The following NELL2 variants were observed in gnomAD, a reference collection of about 807,000 sequenced individuals.
The protein encoded by NELL2 is protein kinase C-binding protein NELL2.
In NELL2, 41 loss-of-function variants were observed where a neutral mutation model predicts 109.6. The observed-to-expected ratio is 0.37, with a 90% CI of 0.29 to 0.49. The LOEUF (loss-of-function observed/expected upper bound fraction) is 0.49. NELL2 is among the 20% of genes least tolerant of loss of function. The pLI is 0.98. For synonymous variants in NELL2, 355 were observed against 344.7 expected (o/e 1.03, Z -0.33); for missense variants, 900 against 1,008.3 (o/e 0.89, Z 1.45).
chr12:44,547,040 A>G (rs1942825601), intron 15 of NELL2, among the ~76,000 whole-genome samples: 1 of 152,198 alleles, frequency 6.6e-6, no homozygotes, highest in Non-Finnish European at 1.5e-5. Flanking sequence ...ATATGGTGAT[A>G]GGAGACATGA....
chr12:44,626,725 T>C (rs1207856270), intron 13 of NELL2, among the ~76,000 whole-genome samples: 1 of 152,042 alleles, frequency 6.6e-6, no homozygotes, highest in Non-Finnish European at 1.5e-5. Flanking sequence ...TATGAAGAAA[T>C]TGAGGTTCAT....
chr12:44,866,828 T>G (rs975729100), intron 2 of NELL2, among the ~76,000 whole-genome samples: 3 of 151,982 alleles, frequency 2.0e-5, no homozygotes, highest in Non-Finnish European at 2.9e-5. Flanking sequence ...CAAAACATCA[T>G]GAGACTACTA....
intron 12 of NELL2, among the ~76,000 whole-genome samples, chr12:44,670,318 G>A (rs1224451418): frequency 1.3e-5 from 2 of 152,004 alleles, no homozygotes; most frequent in Non-Finnish European, 2.9e-5. Flanking sequence ...CTCACTGGTA[G>A]AGCAGATATA....
intron 1 of NELL2, chr12:44,875,591 C>A (rs768573111): frequency 6.2e-7 from 1 of 1,613,680 alleles, no homozygotes; most frequent in East Asian, 2.2e-5. Flanking sequence ...CTGCAAAGTT[C>A]CCCCTCAGCC....
intron 9 of NELL2, among the ~76,000 whole-genome samples, chr12:44,760,175 G>A (rs1177396528): frequency 6.6e-6 from 1 of 151,992 alleles, no homozygotes; most frequent in Admixed American, 6.6e-5. Flanking sequence ...CCTTGAACAT[G>A]TTACTCCACC....
chr12:44,810,148 T>A (rs555387500), intron 3 of NELL2, among the ~76,000 whole-genome samples: 3 of 152,154 alleles, frequency 2.0e-5, no homozygotes, highest in African/African-American at 4.8e-5. Flanking sequence ...GTACTCATAA[T>A]AACCTTTCTC....
In NELL2 at chr12:44,736,211, G is replaced by A. The variant is rs528296433; in HGVS notation, c.995-21470C>T. On this transcript the variant is annotated intron_variant, in intron 9 of 19. Coordinates refer to ENST00000429094, the MANE Select transcript of NELL2 (RefSeq NM_001145108.2). Reference sequence around the variant, plus strand: ...TTTTTAGTAGAGACGGGGTTTCACCGTGTCAGCCAGGATGGTCTCAATCTC... The same window carrying A: ...TTTTTAGTAGAGACGGGGTTTCACCATGTCAGCCAGGATGGTCTCAATCTC... Among the ~76,000 whole-genome samples the A allele has an allele frequency of 4.4e-4, 67 of 151,740 alleles. 1 individual carries two copies. Among genetic ancestry groups the A allele is most frequent in the South Asian group, 4.4e-3 (21 of 4,812 alleles).
intron 3 of NELL2, among the ~76,000 whole-genome samples, chr12:44,794,170 C>A (rs953729788): frequency 4.6e-5 from 7 of 152,130 alleles, no homozygotes; most frequent in African/African-American, 1.7e-4. Context: ...TAATAGTAAG[C>A]TACTTCACCC....
intron 14 of NELL2, among the ~76,000 whole-genome samples, chr12:44,607,507 A>G (rs1349665413): frequency 6.6e-6 from 1 of 152,144 alleles, no homozygotes; most frequent in Non-Finnish European, 1.5e-5. Context: ...ATTTATTTGA[A>G]CAACAAACAG....
chr12:44,817,351 C>T (rs1943387060), intron 2 of NELL2, among the ~76,000 whole-genome samples: 1 of 152,176 alleles, frequency 6.6e-6, no homozygotes, highest in South Asian at 2.1e-4. Flanking sequence ...CTAATGTAAT[C>T]ACCTGGTCTG....
rs12227622 is a variant in NELL2, at chr12:44,820,105, T to C, written c.185-3969A>G. Reference sequence around the variant, plus strand: ...TACATAGAGGAAGTTTAAGTCATGATTGTATCACAGTTTTCGGTTCTCTGT... The same window carrying C: ...TACATAGAGGAAGTTTAAGTCATGACTGTATCACAGTTTTCGGTTCTCTGT... On this transcript the variant is annotated intron_variant, in intron 2 of 19. Transcript: ENST00000429094. Among the ~76,000 whole-genome samples the C allele has an allele frequency of 0.013, 1,978 of 152,296 alleles. 93 individuals carry two copies. The East Asian group carries it at 0.17, about 13-fold the overall frequency.
intron 3 of NELL2, among the ~76,000 whole-genome samples, chr12:44,787,552 C>T (rs1049375301): frequency 5.9e-5 from 9 of 152,182 alleles, no homozygotes; most frequent in African/African-American, 2.2e-4. Flanking sequence ...CTACCCAATT[C>T]AAAGACTTTA....
At chr12:44,709,700 T>C (rs753099045) in intron 11 of NELL2, among the ~76,000 whole-genome samples, 9 of 152,196 alleles carry the variant, frequency 5.9e-5, no homozygotes, top group African/African-American at 2.2e-4. Flanking sequence ...AAATTCAGAT[T>C]CTTAGGCCTG....
At chr12:44,703,671 T>C in intron 12 of NELL2, 55 bp downstream of exon 12, 19 of 1,593,582 alleles carry the variant, frequency 1.2e-5, no homozygotes, top group Admixed American at 1.7e-5. Context: ...AAATTTTGCA[T>C]GCAGTAATCC....
chr12:44,794,575 G>A (rs35386407), intron 3 of NELL2, among the ~76,000 whole-genome samples: 2,178 of 152,184 alleles, frequency 0.014, 19 homozygotes, highest in Non-Finnish European at 0.022. Context: ...GGTACTTCTC[G>A]TTATTTCCTA....
intron 15 of NELL2, among the ~76,000 whole-genome samples, chr12:44,554,179 G>T (rs1044941574): frequency 4.6e-5 from 7 of 152,128 alleles, no homozygotes; most frequent in African/African-American, 1.7e-4. Flanking sequence ...TAGAAAAATT[G>T]CACATTTGAA....
intron 15 of NELL2, among the ~76,000 whole-genome samples, chr12:44,601,446 G>A (rs188025802): frequency 6.6e-6 from 1 of 152,182 alleles, no homozygotes; most frequent in African/African-American, 2.4e-5. Context: ...GCAATTTTAA[G>A]CAAATGTACA....
chr12:44,742,988 A>G (rs1940088299), intron 9 of NELL2, among the ~76,000 whole-genome samples: 2 of 152,126 alleles, frequency 1.3e-5, no homozygotes, highest in African/African-American at 4.8e-5. Flanking sequence ...CAACACCAAG[A>G]CACGTAATTG....
intron 3 of NELL2, among the ~76,000 whole-genome samples, chr12:44,788,574 C>T (rs1203879362): frequency 6.6e-6 from 1 of 152,134 alleles, no homozygotes; most frequent in African/African-American, 2.4e-5. Flanking sequence ...TGGGAGGGTG[C>T]CCAGAGGCAT....
Sources: gnomAD v4.1 joint callset for allele counts (sites outside exome capture counted in the v4.1 genomes callset) on GRCh38, gnomAD v4.1.1 for gene constraint, MANE v1.5 for transcripts, NCBI Gene and HGNC (gene_info 2026-07-23, HGNC 2026-07-21) for gene names.